The following ROR1 variants were observed in gnomAD, a reference collection of about 807,000 sequenced individuals.
ROR1 encodes the protein ROR family WNT receptor 1, also known as inactive tyrosine-protein kinase transmembrane receptor ROR1.
Under a neutral mutation model 78.8 loss-of-function variants are expected in ROR1, and 19 were observed. The observed-to-expected ratio is 0.24, with a 90% confidence interval of 0.17 to 0.35. The LOEUF (loss-of-function observed/expected upper bound fraction) is 0.35, where lower values mean the gene tolerates loss of function less well. Ranked by LOEUF, ROR1 falls within the 10% of genes least tolerant of loss-of-function variation. ROR1 has a pLI of 1.00. For synonymous variants in ROR1, 386 were observed against 433.6 expected, an observed-to-expected ratio of 0.89 and a Z score of 1.36; for missense variants, 917 against 1,177.8, an observed-to-expected ratio of 0.78 and a Z score of 3.24.
intron 4 of ROR1, among the ~76,000 whole-genome samples, chr1:64,079,631 G>T (rs1647083715): frequency 6.6e-6 from 1 of 152,042 alleles, no homozygotes; most frequent in Non-Finnish European, 1.5e-5. Context: ...ACAGGCACCT[G>T]CAACCACGCC....
chr1:63,790,787 A>T (rs1436629342), intron 1 of ROR1, among the ~76,000 whole-genome samples: 1 of 152,036 alleles, frequency 6.6e-6, no homozygotes, highest in East Asian at 1.9e-4. Flanking sequence ...AAGAGGTCTC[A>T]TTACTAGGGA....
chr1:63,894,882 T>G (rs1438163424), intron 1 of ROR1, among the ~76,000 whole-genome samples: 1 of 152,172 alleles, frequency 6.6e-6, no homozygotes, highest in Non-Finnish European at 1.5e-5. Context: ...GCATCTTAAG[T>G]GTACTTTATT....
intron 1 of ROR1, among the ~76,000 whole-genome samples, chr1:63,802,428 G>A (rs1436364622): frequency 6.6e-6 from 1 of 152,196 alleles, no homozygotes; most frequent in African/African-American, 2.4e-5. Context: ...TACAGTTCTT[G>A]AAGTACTTTC....
At chr1:63,822,304 CATAA>C (rs1644928219) in intron 1 of ROR1, among the ~76,000 whole-genome samples, 1 of 152,146 alleles carries the variant, frequency 6.6e-6, no homozygotes, top group Non-Finnish European at 1.5e-5. Context: ...TGTCTCTGCC[CATAA>C]CAGCTTACAA....
At chr1:64,046,901 A>G (rs1224233559) in intron 2 of ROR1, among the ~76,000 whole-genome samples, 2 of 152,238 alleles carry the variant, frequency 1.3e-5, no homozygotes, top group African/African-American at 2.4e-5. Context: ...AACAGTGATA[A>G]TGACTTCTCC....
intron 1 of ROR1, among the ~76,000 whole-genome samples, chr1:63,971,558 A>AAT (rs1391475717): frequency 6.6e-6 from 1 of 152,056 alleles, no homozygotes; most frequent in Non-Finnish European, 1.5e-5. Context: ...TATGGGCTTT[A>AAT]ATATATATAT....
At position 63,800,547 on chromosome 1, in the gene ROR1, T is replaced by C. The variant is rs1267850693; in HGVS notation, c.91+26039T>C. ...TGGGGAGGCAGAAAAGGCAATGATG[T>C]TCTGAATGTTTCTGCCACTGGAAGG... On this transcript the variant is annotated intron_variant, in intron 1 of 8. Transcript: ENST00000371079. Among the ~76,000 whole-genome samples, 6 of 152,254 alleles carry C rather than the reference T, an allele frequency of 3.9e-5. No homozygotes were observed. In the East Asian group the frequency reaches 1.2e-3, roughly 29 times the overall value.
intron 1 of ROR1, among the ~76,000 whole-genome samples, chr1:63,999,035 A>C (rs1220375828): frequency 6.6e-6 from 1 of 152,194 alleles, no homozygotes; most frequent in Non-Finnish European, 1.5e-5. Flanking sequence ...AGGCCTCTCC[A>C]GCCACGTGGA....
At chr1:64,125,381 G>T (rs559862193) in intron 4 of ROR1, among the ~76,000 whole-genome samples, 101 of 152,150 alleles carry the variant, frequency 6.6e-4, no homozygotes, top group Admixed American at 1.5e-3. Context: ...AGGAGAAAAC[G>T]TATGTCACCT....
intron 2 of ROR1, among the ~76,000 whole-genome samples, chr1:64,048,194 T>C (rs990682103): frequency 1.3e-5 from 2 of 152,236 alleles, no homozygotes; most frequent in African/African-American, 2.4e-5. Context: ...TGTGGCGTTC[T>C]ACCTGTGCTG....
chr1:63,841,496 T>C (rs1277757370), intron 1 of ROR1, among the ~76,000 whole-genome samples: 4 of 152,212 alleles, frequency 2.6e-5, no homozygotes, highest in Non-Finnish European at 4.4e-5. Context: ...AATGACATGA[T>C]ATTATGAGTC....
intron 1 of ROR1, among the ~76,000 whole-genome samples, chr1:63,891,966 C>CAT (rs979311330): frequency 6.6e-6 from 1 of 152,106 alleles, no homozygotes; most frequent in Non-Finnish European, 1.5e-5. Context: ...TGAATTTCTA[C>CAT]ATATATATAT....
rs1650471182 is a variant in ROR1 at position 64,178,864 on chromosome 1, A to G, written c.*9A>G. On this transcript the variant is annotated 3_prime_UTR_variant, in exon 9 of 9. Coordinates refer to ENST00000371079, the MANE Select transcript of ROR1 (RefSeq NM_005012.4). The surrounding 1 kb of genome is among the most constrained non-coding windows in gnomAD (Gnocchi z 4.3). Reference sequence around the variant, plus strand: ...TTTCTGCAGAACTGTAAAATGCACAACTTTTGTAAATGTGGTATACAGGAC... The same window carrying G: ...TTTCTGCAGAACTGTAAAATGCACAGCTTTTGTAAATGTGGTATACAGGAC... 6.3e-7 allele frequency: 1 copy of G among 1,599,728 alleles called. No homozygotes were observed. The highest frequency in any genetic ancestry group is 2.2e-5 in the East Asian group (1 of 44,794).
chr1:63,939,102 G>A (rs765466555), intron 1 of ROR1, among the ~76,000 whole-genome samples: 1 of 152,204 alleles, frequency 6.6e-6, no homozygotes, highest in Non-Finnish European at 1.5e-5. Flanking sequence ...GAAGGAAGAA[G>A]GATCAGGTTG....
chr1:63,890,789 A>T (rs1480531999), intron 1 of ROR1, among the ~76,000 whole-genome samples: 1 of 152,132 alleles, frequency 6.6e-6, no homozygotes, highest in Non-Finnish European at 1.5e-5. Context: ...GCCATAATTG[A>T]TGTTTGTATC....
Position 64,056,640 on chromosome 1 carries a change from C to T in ROR1, c.482+5924C>T, listed in dbSNP as rs376088781. Among the ~76,000 whole-genome samples the T allele has an allele frequency of 1.2e-3, 175 of 148,702 alleles. 2 individuals carry two copies. Among genetic ancestry groups the T allele is most frequent in the African/African-American group, 4.1e-3 (164 of 40,212 alleles). ...GCAATGAGCTGAGATCATGCCATTGCAGTCCAGCCTGGCCAGCAGAGCAAG... is the reference window on the plus strand; with the variant it reads ...GCAATGAGCTGAGATCATGCCATTGTAGTCCAGCCTGGCCAGCAGAGCAAG... On this transcript the variant is annotated intron_variant, in intron 4 of 8. Coordinates refer to ENST00000371079, the MANE Select transcript of ROR1 (RefSeq NM_005012.4).
intron 2 of ROR1, among the ~76,000 whole-genome samples, chr1:64,025,586 T>G (rs756142746): frequency 6.6e-6 from 1 of 150,988 alleles, no homozygotes; most frequent in African/African-American, 2.4e-5. Context: ...AATTGTGAGA[T>G]ATATATATAT....
At chr1:64,095,375 T>C (rs531552063) in intron 4 of ROR1, among the ~76,000 whole-genome samples, 4 of 152,320 alleles carry the variant, frequency 2.6e-5, no homozygotes, top group Admixed American at 2.6e-4. Flanking sequence ...AGCAATAAGA[T>C]AGATAATTAT....
At chr1:64,022,523 T>C (rs978131103) in intron 2 of ROR1, among the ~76,000 whole-genome samples, 4 of 152,192 alleles carry the variant, frequency 2.6e-5, no homozygotes, top group Non-Finnish European at 4.4e-5. Flanking sequence ...AATTTAACAT[T>C]GCAACGCTAA....
Sources: allele counts gnomAD v4.1 joint callset (sites outside exome capture counted in the v4.1 genomes callset), GRCh38; gene constraint gnomAD v4.1.1; non-coding constraint Gnocchi (gnomAD v3.1); transcripts MANE v1.5; gene names NCBI Gene and HGNC (gene_info 2026-07-23, HGNC 2026-07-21).